The following ITGA6 variants were observed in gnomAD, a reference collection of about 807,000 sequenced individuals.
ITGA6 encodes integrin subunit alpha 6, also known as integrin alpha-6.
Under a neutral mutation model 133.6 loss-of-function variants are expected in ITGA6, and 63 were observed. That is an observed-to-expected ratio of 0.47 (90% CI 0.38 to 0.58). The LOEUF is 0.58. ITGA6 is among the 20% of genes least tolerant of loss of function. The pLI is 0.00. For missense variants in ITGA6, 1,068 were observed against 1,309.4 expected (o/e 0.82, Z 2.85); for synonymous variants, 434 against 482.0 (o/e 0.90, Z 1.30).
At chr2:172,473,419 A>G (rs1470286735) in intron 5 of ITGA6, among the ~76,000 whole-genome samples, 2 of 152,190 alleles carry the variant, frequency 1.3e-5, no homozygotes, top group African/African-American at 4.8e-5. Context: ...ACCATGTATC[A>G]TCAGTCATTG....
chr2:172,454,206 C>G (rs1685124205), intron 1 of ITGA6, among the ~76,000 whole-genome samples: 1 of 151,942 alleles, frequency 6.6e-6, no homozygotes, highest in South Asian at 2.1e-4. Context: ...GCCTCAGCCT[C>G]CCGAGTAGCT....
At chr2:172,446,441 A>G (rs896426038) in intron 1 of ITGA6, among the ~76,000 whole-genome samples, 2 of 152,270 alleles carry the variant, frequency 1.3e-5, no homozygotes, top group Non-Finnish European at 2.9e-5. Flanking sequence ...TGGTCACAAC[A>G]TGCTAGAATT....
intron 1 of ITGA6, among the ~76,000 whole-genome samples, chr2:172,432,773 G>A (rs1324325630): frequency 6.6e-6 from 1 of 152,222 alleles, no homozygotes; most frequent in Non-Finnish European, 1.5e-5. Flanking sequence ...CTACACTGCA[G>A]TGGGTACTCG....
intron 1 of ITGA6, among the ~76,000 whole-genome samples, chr2:172,432,408 C>G (rs987687521): frequency 1.5e-4 from 23 of 152,238 alleles, no homozygotes; most frequent in Non-Finnish European, 2.9e-5. Flanking sequence ...AGGGGTCTTA[C>G]ATTCATTTCT....
chr2:172,493,327 A>G (rs953067023), intron 23 of ITGA6, among the ~76,000 whole-genome samples: 2 of 152,060 alleles, frequency 1.3e-5, no homozygotes, highest in Non-Finnish European at 2.9e-5. Flanking sequence ...GGGACTTTCA[A>G]ATAAACCACA....
At chr2:172,470,206 A>G (rs16860482) in intron 4 of ITGA6, among the ~76,000 whole-genome samples, 9,379 of 152,176 alleles carry the variant, frequency 0.062, 592 homozygotes, top group African/African-American at 0.17. Flanking sequence ...ATGACTCTTG[A>G]ACACCTTTCT....
At chr2:172,454,051 C>G (rs1308791238) in intron 1 of ITGA6, among the ~76,000 whole-genome samples, 1 of 151,204 alleles carries the variant, frequency 6.6e-6, no homozygotes, top group Non-Finnish European at 1.5e-5. Flanking sequence ...GGGACCTGAA[C>G]TAGCCTGGAA....
chr2:172,430,859 G>A (rs1189111217), intron 1 of ITGA6, among the ~76,000 whole-genome samples: 1 of 152,170 alleles, frequency 6.6e-6, no homozygotes, highest in South Asian at 2.1e-4. Flanking sequence ...ATTTCTCTTA[G>A]GTAGTTAAGA....
chr2:172,477,122 T>C (rs1686208675), intron 9 of ITGA6, among the ~76,000 whole-genome samples: 1 of 152,160 alleles, frequency 6.6e-6, no homozygotes, highest in Non-Finnish European at 1.5e-5. Context: ...TTTGCTCCCA[T>C]GATATAAAAA....
chr2:172,436,805 A>C (rs1196345946), intron 1 of ITGA6, among the ~76,000 whole-genome samples: 1 of 152,234 alleles, frequency 6.6e-6, no homozygotes, highest in Non-Finnish European at 1.5e-5. Context: ...AGCAAACAAA[A>C]TAGACAAAAT....
chr2:172,480,034 GT>G lies in ITGA6; in HGVS notation c.1534del (p.Tyr512IlefsTer41). 1 of 1,580,768 alleles carries G rather than the reference GT, an allele frequency of 6.3e-7. No homozygotes were observed. The highest frequency in any genetic ancestry group is 8.7e-7 in the Non-Finnish European group (1 of 1,149,762). On this transcript the variant is annotated frameshift_variant, in exon 11 of 26. Transcript: ENST00000684293. LOFTEE classifies it high-confidence loss of function. Reference protein sequence around the residue: ...SCFEYTANPAGYNPSISIVGT... With the variant: ...SCFEYTANPAXYNPSISIVGT... Reference sequence around the variant, plus strand: ...TTTGAATATACTGCTAACCCCGCTGGTTATAATCCTTCAATATGTAAGTACC... The same window carrying G: ...TTTGAATATACTGCTAACCCCGCTGGTATAATCCTTCAATATGTAAGTACC...
chr2:172,493,018 C>T (rs1211607100), intron 23 of ITGA6, among the ~76,000 whole-genome samples: 3 of 152,160 alleles, frequency 2.0e-5, no homozygotes, highest in Non-Finnish European at 4.4e-5. Flanking sequence ...AAGCAATCCT[C>T]CTGTCTCACC....
At position 172,498,056 on chromosome 2, in the gene ITGA6, G is replaced by A. The variant is rs374953548; in HGVS notation, c.3070G>A (p.Ala1024Thr). Residue 1024 changes from alanine (A) to threonine (T), a missense_variant, in exon 24 of 26, where the codon GCT (alanine) becomes ACT (threonine). Ala to Thr is a moderately conservative substitution (Grantham distance 58). Transcript: ENST00000684293. Reference protein sequence around the residue: ...PWWIILVAILAGILMLALLVF... With the variant: ...PWWIILVAILTGILMLALLVF... The stretch of plus-strand genomic sequence containing the variant: ...GTGGATCATCCTAGTGGCTATTCTC[G>A]CTGGGATCTTGATGCTTGCTTTATT... The A allele has an allele frequency of 7.9e-5, 128 of 1,613,270 alleles. No homozygotes were observed. Among genetic ancestry groups the A allele is most frequent in the Non-Finnish European group, 9.2e-5 (109 of 1,179,336 alleles).
intron 1 of ITGA6, among the ~76,000 whole-genome samples, chr2:172,441,218 T>C (rs1352669603): frequency 1.3e-5 from 2 of 152,146 alleles, no homozygotes; most frequent in Non-Finnish European, 2.9e-5. Flanking sequence ...ATAAGTTATT[T>C]GGGAGCTATC....
At position 172,441,558 on chromosome 2, in the gene ITGA6, TTAAA is replaced by T. The variant is rs1296385354; in HGVS notation, c.182+13589_182+13592del. On this transcript the variant is annotated intron_variant, in intron 1 of 25. Coordinates refer to ENST00000684293, the MANE Select transcript of ITGA6 (RefSeq NM_000210.4). The stretch of plus-strand genomic sequence containing the variant: ...GTAACAGAGTGGAGACGCTGTCTCT[TTAAA>T]AAAAAAAAAAAAAAAAAAAAAAAAA... Among the ~76,000 whole-genome samples, 6 of 64,852 alleles carry T rather than the reference TTAAA, an allele frequency of 9.3e-5. 1 individual carries two copies. The highest frequency in any genetic ancestry group is 5.2e-4 in the East Asian group (1 of 1,912). The allele number at this position is 64,852 out of a possible 152,430, so 42.5% of individuals were successfully genotyped here. A position where few individuals can be genotyped will look rare whatever the true frequency, so the allele number is the denominator to read the frequency against.
Position 172,474,289 on chromosome 2 carries a change from A to G in ITGA6, c.986+24A>G, listed in dbSNP as rs760729129. Reference sequence around the variant, plus strand: ...GGGTGAGAAAGCCTCAGGTTATATTATGCTGCAAATCATTTCTGCTTTGAC... The same window carrying G: ...GGGTGAGAAAGCCTCAGGTTATATTGTGCTGCAAATCATTTCTGCTTTGAC... On this transcript the variant is annotated intron_variant, in intron 6 of 25. Transcript: ENST00000684293. 10 of 1,591,524 alleles carry G rather than the reference A, an allele frequency of 6.3e-6. No homozygotes were observed. The African/African-American group carries it at 1.2e-4, about 19-fold the overall frequency.
chr2:172,467,552 A>G lies in ITGA6; in HGVS notation c.379A>G (p.Lys127Glu). Reference protein sequence around the residue: ...VTVQSQGPGGKVVTCAHRYEK... With the variant: ...VTVQSQGPGGEVVTCAHRYEK... ...CGTCCAGAGCCAAGGTCCAGGGGGCAAGGTCGTGGTAAGTGTAGAGACACA... is the reference window on the plus strand; with the variant it reads ...CGTCCAGAGCCAAGGTCCAGGGGGCGAGGTCGTGGTAAGTGTAGAGACACA... The change falls in exon 3 of 26, where the codon AAG becomes GAG. Residue 127 changes from lysine to glutamate, a missense_variant. Lys to Glu is a moderately conservative substitution (Grantham distance 56). Coordinates refer to ENST00000684293, the MANE Select transcript of ITGA6 (RefSeq NM_000210.4). 1 of 1,612,994 alleles carries G rather than the reference A, an allele frequency of 6.2e-7. No individual in the cohort carries two copies. Among genetic ancestry groups the G allele is most frequent in the Non-Finnish European group, 8.5e-7 (1 of 1,179,134 alleles).
intron 24 of ITGA6, among the ~76,000 whole-genome samples, chr2:172,499,106 TATAATAC>T (rs1391573132): frequency 6.6e-6 from 1 of 152,178 alleles, no homozygotes; most frequent in Non-Finnish European, 1.5e-5. Flanking sequence ...GATCCAAAAA[TATAATAC>T]ATAAGGGTTC....
intron 1 of ITGA6, among the ~76,000 whole-genome samples, chr2:172,459,134 T>G (rs1685326886): frequency 6.6e-6 from 1 of 152,196 alleles, no homozygotes; most frequent in African/African-American, 2.4e-5. Flanking sequence ...AGGAAATTCA[T>G]GTCCTAAGTC....
Sources: gnomAD v4.1 joint callset for allele counts (sites outside exome capture counted in the v4.1 genomes callset) on GRCh38, gnomAD v4.1.1 for gene constraint, MANE v1.5 for transcripts, NCBI Gene and HGNC (gene_info 2026-07-23, HGNC 2026-07-21) for gene names.